The following PCSK5 variants were observed in gnomAD, a reference collection of about 807,000 sequenced individuals.
PCSK5 encodes proprotein convertase subtilisin/kexin type 5.
Under a neutral mutation model 233.2 loss-of-function variants are expected in PCSK5, and 129 were observed. The ratio of observed to expected loss-of-function variants is 0.55; its 90% CI spans 0.48 to 0.64. PCSK5 has a LOEUF of 0.64. PCSK5 is among the 30% of genes least tolerant of loss of function. The probability of loss-of-function intolerance (pLI) is 0.00; values close to 1 mark genes in which losing one functional copy is unlikely to be tolerated. For missense variants in PCSK5, 2,076 were observed against 2,430.1 expected, an observed-to-expected ratio of 0.85 and a Z score of 3.06; for synonymous variants, 825 against 879.2, an observed-to-expected ratio of 0.94 and a Z score of 1.09.
At chr9:76,260,574 ATAGC>A (rs1461148268) in intron 24 of PCSK5, among the ~76,000 whole-genome samples, 1 of 152,158 alleles carries the variant, frequency 6.6e-6, no homozygotes, top group Admixed American at 6.5e-5. Context: ...CCCTCAGCTG[ATAGC>A]TAGCAAGGAA....
chr9:76,072,993 C>A (rs871450), intron 7 of PCSK5, among the ~76,000 whole-genome samples: 26,439 of 152,172 alleles, frequency 0.17, 2,323 homozygotes, highest in East Asian at 0.23. Flanking sequence ...TACTAAATTG[C>A]GAGTTCCTAG....
Position 76,302,179 on chromosome 9 carries a change from T to A in PCSK5, c.3566T>A (p.Leu1189Gln). Residue 1189 changes from leucine to glutamine, a missense_variant, in exon 28 of 38, where the codon CTG becomes CAG. Physicochemically the swap from Leu to Gln is moderately radical, Grantham distance 113. Around this residue, in one of 6 missense-constraint regions of PCSK5, gnomAD observed 1,510 missense variants for 1,538.1 expected, o/e 0.98. Coordinates refer to ENST00000674117, the MANE Select transcript of PCSK5 (RefSeq NM_001372043.1). ...TANLSVVKSL[L>Q]QERRRWKVQI... is the part of the protein sequence containing the mutation. ...AACCTATCTGTGGTGAAGAGCCTGC[T>A]GCAGGAGCGACGAAGGTGGAAAGTT... The A allele has an allele frequency of 7.4e-7, 1 of 1,355,852 alleles. No individual in the cohort carries two copies. The highest frequency in any genetic ancestry group is 9.8e-7 in the Non-Finnish European group (1 of 1,017,976). The allele number at this position is 1,355,852 out of a possible 1,614,324, so 84.0% of individuals were successfully genotyped here.
At position 76,249,115 on chromosome 9, in the gene PCSK5, G is replaced by C. The variant is rs117549111; in HGVS notation, c.3142+8431G>C. Among the ~76,000 whole-genome samples, 1,245 of 152,240 alleles carry C rather than the reference G, an allele frequency of 8.2e-3. 49 individuals carry two copies. The South Asian group carries it at 0.12, about 15-fold the overall frequency. On this transcript the variant is annotated intron_variant, in intron 24 of 37. Transcript: ENST00000674117. ...CTAGATCACTGATTTTCAACTGGAGGCAATTATGCTTCCATGAAACACTTG... is the reference window on the plus strand; with the variant it reads ...CTAGATCACTGATTTTCAACTGGAGCCAATTATGCTTCCATGAAACACTTG...
At chr9:75,999,642 T>A (rs540422928) in intron 3 of PCSK5, among the ~76,000 whole-genome samples, 1 of 152,336 alleles carries the variant, frequency 6.6e-6, no homozygotes, top group East Asian at 1.9e-4. Context: ...GTGGCCCAGG[T>A]GTTGCTTGCC....
chr9:76,041,635 A>T (rs775185140), intron 5 of PCSK5, among the ~76,000 whole-genome samples: 7 of 152,016 alleles, frequency 4.6e-5, no homozygotes, highest in Non-Finnish European at 7.4e-5. Context: ...AGGTCAAGAG[A>T]TCAAGACAAT....
intron 2 of PCSK5, among the ~76,000 whole-genome samples, chr9:75,938,072 C>T (rs898625577): frequency 2.6e-5 from 4 of 152,174 alleles, no homozygotes; most frequent in Non-Finnish European, 5.9e-5. Flanking sequence ...CTTTTAAGAA[C>T]TTTTCCTTTG....
In PCSK5 at chr9:75,966,970, A is replaced by G. The variant is rs537957039; in HGVS notation, c.298-19162A>G. 2.6e-3 allele frequency among the ~76,000 whole-genome samples: 399 copies of G among 152,244 alleles called. 4 individuals carry two copies. In the South Asian group the frequency reaches 0.047, roughly 18 times the overall value. On this transcript the variant is annotated intron_variant, in intron 2 of 37. Coordinates refer to ENST00000674117, the MANE Select transcript of PCSK5 (RefSeq NM_001372043.1). The stretch of plus-strand genomic sequence containing the variant: ...CTCTATATGGCTTTTGGTCCTCTTG[A>G]TCTGGGTCACAGGTAGCCTTAGGAA...
chr9:76,299,247 G>C (rs1405401690), intron 27 of PCSK5, among the ~76,000 whole-genome samples: 1 of 152,106 alleles, frequency 6.6e-6, no homozygotes, highest in Non-Finnish European at 1.5e-5. Context: ...CAAAGATTGT[G>C]CTCGACTCTC....
intron 2 of PCSK5, among the ~76,000 whole-genome samples, chr9:75,936,090 T>A (rs186043310): frequency 6.6e-6 from 1 of 152,326 alleles, no homozygotes; most frequent in East Asian, 1.9e-4. Context: ...TGTAATAGCA[T>A]TACGTCTGAA....
chr9:76,285,649 C>G (rs1009268256), intron 24 of PCSK5, among the ~76,000 whole-genome samples: 3 of 152,058 alleles, frequency 2.0e-5, no homozygotes, highest in Non-Finnish European at 4.4e-5. Context: ...AAAATTACCC[C>G]CCCACCACCA....
At chr9:76,018,606 C>G (rs1262221333) in intron 3 of PCSK5, among the ~76,000 whole-genome samples, 1 of 152,162 alleles carries the variant, frequency 6.6e-6, no homozygotes, top group African/African-American at 2.4e-5. Flanking sequence ...AAATTGTCTT[C>G]CACAAAACCA....
At chr9:76,320,449 A>C (rs780792459) in intron 30 of PCSK5, among the ~76,000 whole-genome samples, 12,672 of 106,930 alleles carry the variant, frequency 0.12, 739 homozygotes, top group Non-Finnish European at 0.16. Flanking sequence ...AAAGAAAAAA[A>C]AAAAGTACAT....
intron 24 of PCSK5, among the ~76,000 whole-genome samples, chr9:76,280,533 G>A (rs1160863256): frequency 6.6e-6 from 1 of 152,018 alleles, no homozygotes; most frequent in Non-Finnish European, 1.5e-5. Flanking sequence ...CTTGAGCCCA[G>A]GAATTAGAGA....
At chr9:76,351,082 A>C (rs1415515501) in intron 36 of PCSK5, among the ~76,000 whole-genome samples, 154 bp downstream of exon 36, 1 of 152,170 alleles carries the variant, frequency 6.6e-6, no homozygotes, top group African/African-American at 2.4e-5. Flanking sequence ...CTACCGTTGC[A>C]TCATGGAATA....
At chr9:76,179,976 G>C (rs1296055389) in intron 15 of PCSK5, among the ~76,000 whole-genome samples, 1 of 148,366 alleles carries the variant, frequency 6.7e-6, no homozygotes, top group Non-Finnish European at 1.5e-5. Flanking sequence ...GGAGGAACCA[G>C]CTAAGCACCT....
intron 1 of PCSK5, among the ~76,000 whole-genome samples, chr9:75,908,875 TTATCTATC>T (rs58985562): frequency 0.056 from 6,548 of 115,962 alleles, 233 homozygotes; most frequent in Non-Finnish European, 0.065. Context: ...CTCTTTCTAT[TTATCTATC>T]TATCTATCTA....
chr9:75,928,801 T>G (rs1310519685), intron 1 of PCSK5, among the ~76,000 whole-genome samples: 3 of 151,438 alleles, frequency 2.0e-5, no homozygotes, highest in Non-Finnish European at 4.4e-5. Flanking sequence ...GGTACTGCAA[T>G]TAAGGTAGAA....
intron 5 of PCSK5, among the ~76,000 whole-genome samples, chr9:76,042,851 C>A (rs745859908): frequency 1.3e-5 from 2 of 152,142 alleles, no homozygotes; most frequent in African/African-American, 2.4e-5. Context: ...TTTTAATGAA[C>A]GTGCATCGCA....
At chr9:75,985,358 A>G (rs1587459817) in intron 2 of PCSK5, among the ~76,000 whole-genome samples, 1 of 152,198 alleles carries the variant, frequency 6.6e-6, no homozygotes, top group East Asian at 1.9e-4. Context: ...CCAATAGAGC[A>G]TGTTTGAATT....
Sources: allele counts gnomAD v4.1 joint callset (sites outside exome capture counted in the v4.1 genomes callset), GRCh38; gene constraint gnomAD v4.1.1; regional missense constraint gnomAD v4.1.1; transcripts MANE v1.5; gene names NCBI Gene and HGNC (gene_info 2026-07-23, HGNC 2026-07-21).